Variants in ARHGEF10L observed in about 807,000 individuals in gnomAD.
ARHGEF10L encodes rho guanine nucleotide exchange factor 10-like protein.
A neutral mutation model predicts 141.2 loss-of-function variants in ARHGEF10L; 69 were observed. The observed-to-expected ratio is 0.49, with a 90% CI of 0.40 to 0.60. The LOEUF is 0.60. Ranked by LOEUF, ARHGEF10L falls within the 20% of genes least tolerant of loss-of-function variation. The pLI is 0.00. For missense variants in ARHGEF10L, 1,482 were observed against 1,734.3 expected (o/e 0.85, Z 2.58); for synonymous variants, 711 against 718.5 (o/e 0.99, Z 0.17).
intron 1 of ARHGEF10L, among the ~76,000 whole-genome samples, chr1:17,557,524 T>C (rs190545965): frequency 2.0e-3 from 301 of 152,320 alleles, no homozygotes; most frequent in African/African-American, 6.6e-3. Context: ...ATTGTCAGAA[T>C]TGCCAGGAAG....
chr1:17,657,837 C>A (rs908494568), intron 25 of ARHGEF10L, among the ~76,000 whole-genome samples: 2 of 152,238 alleles, frequency 1.3e-5, no homozygotes, highest in Non-Finnish European at 2.9e-5. Context: ...GTGAGCCCGG[C>A]CTGTGCCACC....
chr1:17,654,865 T>A lies in ARHGEF10L; in HGVS notation c.2481+143T>A. ...CCACCAAGGTCTTCCTGGGCACCTC[T>A]GGTGCCAGGCACTGCATTTGGAGTT... On this transcript the variant is annotated intron_variant, in intron 23 of 28. Transcript: ENST00000361221. The surrounding 1 kb of genome is among the most constrained non-coding windows in gnomAD (Gnocchi z 4.3). The A allele has an allele frequency of 5.1e-6, 4 of 786,096 alleles. No individual in the cohort carries two copies. The highest frequency in any genetic ancestry group is 1.5e-5 in the South Asian group (1 of 66,768). The allele number at this position is 786,096 out of a possible 1,614,324, so 48.7% of individuals were successfully genotyped here.
chr1:17,572,814 G>A (rs2246272), intron 1 of ARHGEF10L, among the ~76,000 whole-genome samples: 8,034 of 152,242 alleles, frequency 0.053, 238 homozygotes, highest in Non-Finnish European at 0.063. Context: ...AAAGGTGGAG[G>A]AGGTGAGCCT....
intron 2 of ARHGEF10L, among the ~76,000 whole-genome samples, chr1:17,586,193 C>T (rs2079010817): frequency 6.6e-6 from 1 of 152,206 alleles, no homozygotes; most frequent in Admixed American, 6.5e-5. Flanking sequence ...ACCTAAGCTG[C>T]AGCTCAGCTG....
chr1:17,560,694 T>C (rs1378873854), intron 1 of ARHGEF10L, among the ~76,000 whole-genome samples: 1 of 152,246 alleles, frequency 6.6e-6, no homozygotes, highest in Non-Finnish European at 1.5e-5. Context: ...GCCTCCTGAA[T>C]AGCTGGGATT....
At chr1:17,646,984 G>T (rs186814208) in intron 21 of ARHGEF10L, among the ~76,000 whole-genome samples, 1 of 152,088 alleles carries the variant, frequency 6.6e-6, no homozygotes, top group Non-Finnish European at 1.5e-5. Flanking sequence ...TAGCAGGATG[G>T]GCCTGGCTGC....
At chr1:17,624,990 G>A (rs1011650403) in intron 13 of ARHGEF10L, among the ~76,000 whole-genome samples, 19 of 152,350 alleles carry the variant, frequency 1.2e-4, no homozygotes, top group African/African-American at 3.8e-4. Context: ...CTTTGGGAGT[G>A]TAGTCTGGTG....
In ARHGEF10L at chr1:17,607,902, C is replaced by T. The variant is rs974966673; in HGVS notation, c.534C>T (p.Ser178=). The T allele has an allele frequency of 3.9e-6, 6 of 1,555,734 alleles. No individual in the cohort carries two copies. The highest frequency in any genetic ancestry group is 2.8e-5 in the African/African-American group (2 of 71,414). The change falls in exon 7 of 29, where the codon AGC becomes AGT. Residue 178 remains serine (S), a synonymous_variant. Transcript: ENST00000361221. This position sits in a 1 kb window ranked among gnomAD's most constrained non-coding sequence, Gnocchi z 4.5. ...GWSSSEFESY[S]EDSGEEAKPE... is the part of the protein sequence containing the mutation. ...GCTCCAGTGAGTTCGAGAGCTACAG[C>T]GAGGACTCGGGGGAGGAGGCCAAGC...
chr1:17,574,122 C>T (rs1477242790), intron 1 of ARHGEF10L, among the ~76,000 whole-genome samples: 3 of 152,096 alleles, frequency 2.0e-5, no homozygotes, highest in Non-Finnish European at 2.9e-5. Context: ...CGCTCCCTGA[C>T]CCACCCACTC....
At chr1:17,571,488 A>G (rs1388421837) in intron 1 of ARHGEF10L, among the ~76,000 whole-genome samples, 1 of 151,942 alleles carries the variant, frequency 6.6e-6, no homozygotes, top group African/African-American at 2.4e-5. Flanking sequence ...GTGGGTGGAG[A>G]GGGTATGGGA....
intron 2 of ARHGEF10L, among the ~76,000 whole-genome samples, chr1:17,586,969 C>T (rs2079072672): frequency 6.6e-6 from 1 of 152,164 alleles, no homozygotes; most frequent in African/African-American, 2.4e-5. Flanking sequence ...CTGGCTGCCT[C>T]CAAGTCCAGG....
chr1:17,636,545 C>T (rs968189307), intron 18 of ARHGEF10L, among the ~76,000 whole-genome samples: 2 of 152,202 alleles, frequency 1.3e-5, no homozygotes, highest in Admixed American at 6.5e-5. Context: ...GCAGGTTCCT[C>T]TGCGCTTTCG....
chr1:17,527,062 C>A, the ARHGEF10L span, among the ~76,000 whole-genome samples: 3 of 152,176 alleles, frequency 2.0e-5, no homozygotes, highest in Non-Finnish European at 4.4e-5. Flanking sequence ...TCTTCATTTT[C>A]TTGAAAAGTT....
chr1:17,658,782 GA>G (rs149601021), intron 25 of ARHGEF10L, among the ~76,000 whole-genome samples: 3,152 of 151,738 alleles, frequency 0.021, 109 homozygotes, highest in African/African-American at 0.073. Context: ...CGACGGAAAG[GA>G]AAGAGTGTTG....
In ARHGEF10L at chr1:17,623,196, T is replaced by G; in HGVS notation, c.1200+21T>G. The stretch of plus-strand genomic sequence containing the variant: ...CCTCGGTAAGTGTCCCCAAACTTTT[T>G]CCCCAGCCCACCAAGGTAAAACCAC... On this transcript the variant is annotated intron_variant, in intron 12 of 28. Transcript: ENST00000361221. This position sits in a 1 kb window ranked among gnomAD's most constrained non-coding sequence, Gnocchi z 4.7. The G allele has an allele frequency of 6.2e-7, 1 of 1,607,404 alleles. No homozygotes were observed. Among genetic ancestry groups the G allele is most frequent in the African/African-American group, 1.3e-5 (1 of 74,590 alleles).
intron 7 of ARHGEF10L, among the ~76,000 whole-genome samples, chr1:17,609,107 C>T (rs371654603): frequency 1.1e-4 from 16 of 152,266 alleles, no homozygotes; most frequent in African/African-American, 3.6e-4. Context: ...AAAGATGTAG[C>T]GGGGCGGGAG....
At chr1:17,540,303 ACTT>A (rs2076673963) in intron 1 of ARHGEF10L, among the ~76,000 whole-genome samples, 1 of 138,216 alleles carries the variant, frequency 7.2e-6, no homozygotes, top group Admixed American at 7.7e-5. Flanking sequence ...CCTGTGGTCC[ACTT>A]CTTCCTGCGC....
At chr1:17,695,332 G>T in intron 28 of ARHGEF10L, 52 bp downstream of exon 28, 1 of 1,532,720 alleles carries the variant, frequency 6.5e-7, no homozygotes, top group Non-Finnish European at 8.7e-7. Context: ...GCTGCAGGTG[G>T]CCAGTGGGGC....
rs149542527 is a variant in ARHGEF10L, at chr1:17,623,068, C to T, written c.1093C>T (p.Arg365Cys). 48 of 1,614,044 alleles carry T rather than the reference C, an allele frequency of 3.0e-5. 1 individual carries two copies. Among genetic ancestry groups the T allele is most frequent in the African/African-American group, 1.2e-4 (9 of 74,950 alleles). The stretch of plus-strand genomic sequence containing the variant: ...CCGCAAGTGCCAGGTGGTGTTCTTC[C>T]GCGTGAAGGAGATCCTGCACTGCCA... ...SARKCQVVFF[R>C]VKEILHCHSM... The change falls in exon 12 of 29, where the codon CGC (arginine) becomes TGC (cysteine). Residue 365 changes from arginine (R) to cysteine (C), a missense_variant. Physicochemically the swap from Arg to Cys is radical, Grantham distance 180. Around this residue, in one of 3 missense-constraint regions of ARHGEF10L, gnomAD observed 392 missense variants for 542.1 expected, o/e 0.72. Transcript: ENST00000361221. This position sits in a 1 kb window ranked among gnomAD's most constrained non-coding sequence, Gnocchi z 4.7.
Sources: allele counts gnomAD v4.1 joint callset (sites outside exome capture counted in the v4.1 genomes callset), GRCh38; gene constraint gnomAD v4.1.1; regional missense constraint gnomAD v4.1.1; non-coding constraint Gnocchi (gnomAD v3.1); transcripts MANE v1.5; gene names NCBI Gene and HGNC (gene_info 2026-07-23, HGNC 2026-07-21).